OR2L5: variants seen among roughly 807,000 people sequenced by gnomAD.
OR2L5 encodes olfactory receptor family 2 subfamily L member 5.
For missense variants in OR2L5, 413 were observed against 381.6 expected, an observed-to-expected ratio of 1.08 and a Z score of -0.69; for synonymous variants, 169 against 142.0, an observed-to-expected ratio of 1.19 and a Z score of -1.35.
Position 248,022,055 on chromosome 1 carries a change from G to A in OR2L5, c.108G>A (p.Met36Ile), listed in dbSNP as rs766223097. The A allele has an allele frequency of 6.2e-7, 1 of 1,613,754 alleles. No individual in the cohort carries two copies. Among genetic ancestry groups the A allele is most frequent in the South Asian group, 1.1e-5 (1 of 91,066 alleles). Residue 36 changes from methionine (M) to isoleucine (I), a missense_variant, in exon 2 of 2, where the codon ATG becomes ATA. Physicochemically the swap from Met to Ile is conservative, Grantham distance 10 (BLOSUM62 1). Coordinates refer to ENST00000355281, the MANE Select transcript of OR2L5 (RefSeq NM_001258284.2). ...LFILFVLIFL[M>I]ALIGNLSMIL... ...TTCTCTTTGTTCTCATTTTCCTAAT[G>A]GCTCTAATTGGAAACCTATCCATGA...
chr1:248,022,513 C>G lies in OR2L5; in HGVS notation c.566C>G (p.Thr189Arg). The G allele has an allele frequency of 6.2e-7, 1 of 1,614,188 alleles. No individual in the cohort carries two copies. The highest frequency in any genetic ancestry group is 8.5e-7 in the Non-Finnish European group (1 of 1,180,028). The part of the protein sequence containing the change: ...DVPAMLTLAC[T>R]DTWVYEYTVF... ...CCAGCTATGTTGACATTAGCCTGTACAGACACCTGGGTCTATGAGTACACA... is the reference window on the plus strand; with the variant it reads ...CCAGCTATGTTGACATTAGCCTGTAGAGACACCTGGGTCTATGAGTACACA... Residue 189 changes from threonine to arginine, a missense_variant, in exon 2 of 2, where the codon ACA (threonine) becomes AGA (arginine). Transcript: ENST00000355281.
At chr1:248,021,831 A>T in intron 1 of OR2L5, 96 bp from the exon 2 acceptor site, 1 of 709,792 alleles carries the variant, frequency 1.4e-6, no homozygotes, top group Non-Finnish European at 2.5e-6. Context: ...TTCAGTGTCA[A>T]CTGCAATTTC....
intron 1 of OR2L5, among the ~76,000 whole-genome samples, chr1:248,020,348 T>C (rs1216595388): frequency 6.6e-6 from 1 of 152,078 alleles, no homozygotes; most frequent in East Asian, 1.9e-4. Flanking sequence ...TCCAGAAAAC[T>C]CCTAGAACTA....
At chr1:248,015,460 GA>G (rs1250957848) in intron 1 of OR2L5, among the ~76,000 whole-genome samples, 1 of 152,130 alleles carries the variant, frequency 6.6e-6, no homozygotes, top group Non-Finnish European at 1.5e-5. Context: ...TTCAGGTACA[GA>G]CAGCTTGTTT....
chr1:248,022,073 A>C lies in OR2L5; in HGVS notation c.126A>C (p.Leu42=). The change falls in exon 2 of 2, where the codon CTA becomes CTC. Residue 42 remains leucine, a synonymous_variant. Transcript: ENST00000355281. ...TCCTAATGGCTCTAATTGGAAACCT[A>C]TCCATGATTCTTCTCATCTTCTTGG... ...LIFLMALIGN[L]SMILLIFLDT... is the part of the protein sequence containing the mutation. 6.2e-7 allele frequency: 1 copy of C among 1,613,872 alleles called. No individual in the cohort carries two copies. Among genetic ancestry groups the C allele is most frequent in the Non-Finnish European group, 8.5e-7 (1 of 1,179,836 alleles).
intron 1 of OR2L5, among the ~76,000 whole-genome samples, chr1:248,021,630 A>G: frequency 6.6e-6 from 1 of 152,228 alleles, no homozygotes. Flanking sequence ...AAGAAAAATG[A>G]GTACAGTACA....
At chr1:248,015,235 TCA>T (rs1312154010) in intron 1 of OR2L5, among the ~76,000 whole-genome samples, 3 of 152,210 alleles carry the variant, frequency 2.0e-5, no homozygotes, top group Non-Finnish European at 4.4e-5. Flanking sequence ...TATTCCTACG[TCA>T]GTTAAACACA....
At position 248,023,740 on chromosome 1, in the gene OR2L5, AT is replaced by A. The variant is rs1558187300; in HGVS notation, c.*856del. The A allele has an allele frequency of 6.6e-6, 1 of 152,178 alleles. No individual in the cohort carries two copies. The highest frequency in any genetic ancestry group is 2.4e-5 in the African/African-American group (1 of 41,446). The allele number at this position is 152,178 out of a possible 1,614,324, so 9.4% of individuals were successfully genotyped here. On this transcript the variant is annotated 3_prime_UTR_variant, in exon 2 of 2. Transcript: ENST00000355281. Reference sequence around the variant, plus strand: ...TTATAAAAGTTGTCAGCTTAGGTCCATTCTCTGAGTGAAAGGCCATGGCTCT... The same window carrying A: ...TTATAAAAGTTGTCAGCTTAGGTCCATCTCTGAGTGAAAGGCCATGGCTCT...
chr1:248,020,537 G>T (rs1662311073), intron 1 of OR2L5, among the ~76,000 whole-genome samples: 1 of 152,112 alleles, frequency 6.6e-6, no homozygotes, highest in African/African-American at 2.4e-5. Flanking sequence ...TTGGCATATG[G>T]ATATTCAGAT....
rs775783859 is a variant in OR2L5, at chr1:248,024,238, A to G, written c.*1352A>G. 6.6e-6 allele frequency: 1 copy of G among 152,146 alleles called. No individual in the cohort carries two copies. The highest frequency in any genetic ancestry group is 1.5e-5 in the Non-Finnish European group (1 of 68,022). The allele number at this position is 152,146 out of a possible 1,614,324, so 9.4% of individuals were successfully genotyped here. A position where few individuals can be genotyped will look rare whatever the true frequency, so the allele number is the denominator to read the frequency against. On this transcript the variant is annotated 3_prime_UTR_variant, in exon 2 of 2. Coordinates refer to ENST00000355281, the MANE Select transcript of OR2L5 (RefSeq NM_001258284.2). ...TGCCCAAGAATTTGTAATGATAGCC[A>G]TTAAAATCCCAATGTAGAAAATTTT...
chr1:248,018,490 AT>A (rs1662260925), intron 1 of OR2L5, among the ~76,000 whole-genome samples: 1 of 152,204 alleles, frequency 6.6e-6, no homozygotes, highest in South Asian at 2.1e-4. Context: ...TATGAAAATA[AT>A]TTGTTCTTCT....
At chr1:248,019,141 A>C (rs1485565260) in intron 1 of OR2L5, among the ~76,000 whole-genome samples, 2 of 152,156 alleles carry the variant, frequency 1.3e-5, no homozygotes, top group Non-Finnish European at 2.9e-5. Flanking sequence ...CTTTGGGTCC[A>C]CATTCAGAAG....
rs1307424727 is a variant in OR2L5, at chr1:248,021,980, C to T, written c.33C>T (p.Phe11=). 9 of 1,613,462 alleles carry T rather than the reference C, an allele frequency of 5.6e-6. No homozygotes were observed. The highest frequency in any genetic ancestry group is 7.6e-6 in the Non-Finnish European group (9 of 1,179,704). The change falls in exon 2 of 2, where the codon TTC becomes TTT. Residue 11 remains phenylalanine (F), a synonymous_variant. Transcript: ENST00000355281. The part of the protein sequence containing the change: MENYNQTSTD[F]ILLGLFPPSK... Reference sequence around the variant, plus strand: ...ATTACAATCAAACGTCAACTGATTTCATCTTATTGGGGCTGTTCCCACCAT... The same window carrying T: ...ATTACAATCAAACGTCAACTGATTTTATCTTATTGGGGCTGTTCCCACCAT...
rs762655925 is a variant in OR2L5, at chr1:248,022,355, C to A, written c.408C>A (p.Ser136Arg). 9 of 1,614,136 alleles carry A rather than the reference C, an allele frequency of 5.6e-6. No homozygotes were observed. The highest frequency in any genetic ancestry group is 4.4e-5 in the South Asian group (4 of 91,078). Reference protein sequence around the residue: ...CFPLHYPIRMSKRMYVLMITG... With the variant: ...CFPLHYPIRMRKRMYVLMITG... ...CTCTCCACTATCCCATCCGTATGAG[C>A]AAAAGAATGTATGTGCTGATGATAA... is the stretch of plus-strand genomic sequence containing the variant. Residue 136 changes from serine (S) to arginine (R), a missense_variant, in exon 2 of 2, where the codon AGC becomes AGA. Transcript: ENST00000355281.
intron 1 of OR2L5, among the ~76,000 whole-genome samples, chr1:248,019,398 G>T (rs1181514558): frequency 1.3e-5 from 2 of 152,066 alleles, no homozygotes; most frequent in Non-Finnish European, 2.9e-5. Context: ...CTCATAATGG[G>T]TTTATCAGGA....
chr1:248,015,817 A>G (rs189565346), intron 1 of OR2L5, among the ~76,000 whole-genome samples: 1 of 152,290 alleles, frequency 6.6e-6, no homozygotes, highest in Admixed American at 6.5e-5. Context: ...GCAAATGATC[A>G]TACCAACTTT....
Position 248,022,418 on chromosome 1 carries a change from T to C in OR2L5, c.471T>C (p.Ala157=). ...SWMIGSINSC[A]HTVYAFRIPY... Reference sequence around the variant, plus strand: ...TGATAGGCTCCATCAACTCTTGTGCTCACACAGTATATGCATTCCGTATCC... The same window carrying C: ...TGATAGGCTCCATCAACTCTTGTGCCCACACAGTATATGCATTCCGTATCC... Residue 157 remains alanine (A), a synonymous_variant, in exon 2 of 2, where the codon GCT becomes GCC. Coordinates refer to ENST00000355281, the MANE Select transcript of OR2L5 (RefSeq NM_001258284.2). 1 of 1,614,222 alleles carries C rather than the reference T, an allele frequency of 6.2e-7. No individual in the cohort carries two copies. Among genetic ancestry groups the C allele is most frequent in the Non-Finnish European group, 8.5e-7 (1 of 1,180,026 alleles).
intron 1 of OR2L5, among the ~76,000 whole-genome samples, chr1:248,018,023 T>C (rs184456090): frequency 0.032 from 4,862 of 151,876 alleles, 222 homozygotes; most frequent in African/African-American, 0.11. Context: ...GGCGTGGTGG[T>C]GGGCCCCTGT....
At chr1:248,015,825 T>G (rs1662183887) in intron 1 of OR2L5, among the ~76,000 whole-genome samples, 1 of 152,238 alleles carries the variant, frequency 6.6e-6, no homozygotes, top group African/African-American at 2.4e-5. Flanking sequence ...TCATACCAAC[T>G]TTAAGAGGAA....
Sources: gnomAD v4.1 joint callset for allele counts (sites outside exome capture counted in the v4.1 genomes callset) on GRCh38, gnomAD v4.1.1 for gene constraint, MANE v1.5 for transcripts, NCBI Gene and HGNC (gene_info 2026-07-23, HGNC 2026-07-21) for gene names.